DCAF8L2: variants seen among roughly 807,000 people sequenced by gnomAD.
DCAF8L2 encodes DDB1- and CUL4-associated factor 8-like protein 2.
For missense variants in DCAF8L2, 430 were observed against 490.7 expected, an observed-to-expected ratio of 0.88 and a Z score of 1.17; for synonymous variants, 200 against 190.9, an observed-to-expected ratio of 1.05 and a Z score of -0.39.
At chrX:27,485,486 A>G in the DCAF8L2 span, among the ~76,000 whole-genome samples, 1 of 111,549 alleles carries the variant, frequency 9.0e-6, no homozygotes, top group South Asian at 3.7e-4. Flanking sequence ...TGTATTACAT[A>G]TACCTTTAGT....
At chrX:27,496,840 C>T in the DCAF8L2 span, among the ~76,000 whole-genome samples, 4 of 112,025 alleles carry the variant, frequency 3.6e-5, no homozygotes, top group Non-Finnish European at 7.5e-5. Flanking sequence ...CAACTTTTTT[C>T]GTTCTCACTG....
intron 1 of DCAF8L2, among the ~76,000 whole-genome samples, chrX:27,597,238 A>G (rs1694561937): frequency 8.9e-6 from 1 of 111,909 alleles, no homozygotes; most frequent in African/African-American, 3.2e-5. Context: ...TTTAGCAGAT[A>G]TAGGAAGGGA....
At chrX:27,715,736 T>C (rs1177161167) in intron 3 of DCAF8L2, among the ~76,000 whole-genome samples, 1 of 111,870 alleles carries the variant, frequency 8.9e-6, no homozygotes, top group Non-Finnish European at 1.9e-5. Context: ...GGGGCATCAC[T>C]GCGTCAAGCT....
chrX:27,489,348 C>T, the DCAF8L2 span, among the ~76,000 whole-genome samples: 3 of 112,051 alleles, frequency 2.7e-5, no homozygotes, highest in East Asian at 5.7e-4. Flanking sequence ...CTGCCCGCCT[C>T]GGCCTCCCAA....
chrX:27,499,872 T>C, the DCAF8L2 span, among the ~76,000 whole-genome samples: 1 of 111,403 alleles, frequency 9.0e-6, no homozygotes, highest in Admixed American at 9.6e-5. Context: ...ATCAATCCCT[T>C]ATTAGATATA....
chrX:27,575,229 A>G, the DCAF8L2 span, among the ~76,000 whole-genome samples: 232 of 110,592 alleles, frequency 2.1e-3, no homozygotes, highest in Non-Finnish European at 3.7e-3. Context: ...TTTTCCACCA[A>G]CGTGCTCCCT....
the DCAF8L2 span, among the ~76,000 whole-genome samples, chrX:27,531,237 G>T: frequency 9.0e-6 from 1 of 111,529 alleles, no homozygotes; most frequent in Non-Finnish European, 1.9e-5. Flanking sequence ...GTGGAGCAAG[G>T]TCATGTCTTA....
At chrX:27,711,210 T>TA (rs1169856597) in intron 3 of DCAF8L2, among the ~76,000 whole-genome samples, 2 of 110,697 alleles carry the variant, frequency 1.8e-5, no homozygotes, top group Non-Finnish European at 3.8e-5. Flanking sequence ...ATGGTGGACT[T>TA]AGATTCAGTA....
chrX:27,688,220 C>T (rs1569182452), intron 3 of DCAF8L2, among the ~76,000 whole-genome samples: 1 of 111,240 alleles, frequency 9.0e-6, no homozygotes, highest in African/African-American at 3.3e-5. Context: ...AGTTTAGCAT[C>T]TTTTTTTTAC....
At chrX:27,519,357 T>G in the DCAF8L2 span, 3 of 1,149,121 alleles carry the variant, frequency 2.6e-6, no homozygotes, top group Non-Finnish European at 3.6e-6. Context: ...AGGCGAAGTC[T>G]GCCGTAGCAA....
At chrX:27,629,842 A>G (rs1023033299) in intron 1 of DCAF8L2, among the ~76,000 whole-genome samples, 7 of 111,576 alleles carry the variant, frequency 6.3e-5, no homozygotes, top group Admixed American at 1.9e-4. Context: ...CTATGTCTGT[A>G]AAAAAATGCC....
the DCAF8L2 span, among the ~76,000 whole-genome samples, chrX:27,559,689 A>T: frequency 3.4e-3 from 378 of 111,544 alleles, 1 homozygote; most frequent in African/African-American, 0.011. Flanking sequence ...TGACAGTGGC[A>T]GTCTGACCTC....
At chrX:27,535,001 A>G in the DCAF8L2 span, among the ~76,000 whole-genome samples, 1 of 111,989 alleles carries the variant, frequency 8.9e-6, no homozygotes, top group Admixed American at 9.5e-5. Flanking sequence ...CTGCAGTAAA[A>G]AACACAGCAG....
chrX:27,714,959 T>G (rs1931647539), intron 3 of DCAF8L2, among the ~76,000 whole-genome samples: 1 of 111,770 alleles, frequency 8.9e-6, no homozygotes, highest in Non-Finnish European at 1.9e-5. Flanking sequence ...TCAGACATAA[T>G]TTTCAGAAAA....
At chrX:27,648,285 G>A (rs1929018011) in intron 2 of DCAF8L2, among the ~76,000 whole-genome samples, 1 of 110,196 alleles carries the variant, frequency 9.1e-6, no homozygotes, top group Non-Finnish European at 1.9e-5. Flanking sequence ...TCACATTTGG[G>A]AATTACAACA....
chrX:27,733,352 T>C (rs1349571076), intron 4 of DCAF8L2, among the ~76,000 whole-genome samples: 1 of 112,136 alleles, frequency 8.9e-6, no homozygotes, highest in Non-Finnish European at 1.9e-5. Context: ...TATATTCATG[T>C]CCTTTGGCCA....
the DCAF8L2 span, among the ~76,000 whole-genome samples, chrX:27,530,557 G>T: frequency 1.8e-5 from 2 of 111,006 alleles, no homozygotes; most frequent in South Asian, 7.7e-4. Context: ...TTCAGCCAGA[G>T]GTAATTGTAT....
At chrX:27,543,787 T>G in the DCAF8L2 span, among the ~76,000 whole-genome samples, 2 of 111,559 alleles carry the variant, frequency 1.8e-5, no homozygotes, top group African/African-American at 6.5e-5. Context: ...CTAGCCTCTG[T>G]GGAGAATGGG....
chrX:27,658,542 C>T (rs774547820), intron 2 of DCAF8L2, among the ~76,000 whole-genome samples: 1 of 112,164 alleles, frequency 8.9e-6, no homozygotes, highest in Non-Finnish European at 1.9e-5. Flanking sequence ...CACACTTGGT[C>T]CACTTCCCCT....
Sources: allele counts gnomAD v4.1 joint callset (sites outside exome capture counted in the v4.1 genomes callset), GRCh38; gene constraint gnomAD v4.1.1; transcripts MANE v1.5; gene names NCBI Gene and HGNC (gene_info 2026-07-23, HGNC 2026-07-21).